The following RPRD1B variants were observed in gnomAD, a reference collection of about 807,000 sequenced individuals.
RPRD1B encodes regulation of nuclear pre-mRNA domain-containing protein 1B.
In RPRD1B, 11 loss-of-function variants were observed where a neutral mutation model predicts 41.5. That is an observed-to-expected ratio of 0.27 (90% CI 0.17 to 0.44). The LOEUF is 0.44. Ranked by LOEUF, RPRD1B falls within the 20% of genes least tolerant of loss-of-function variation. The pLI is 1.00. For missense variants in RPRD1B, 248 were observed against 389.9 expected, an observed-to-expected ratio of 0.64 and a Z score of 3.06; for synonymous variants, 158 against 155.6, an observed-to-expected ratio of 1.02 and a Z score of -0.12.
intron 3 of RPRD1B, among the ~76,000 whole-genome samples, chr20:38,052,637 T>A (rs952904664): frequency 6.6e-6 from 1 of 152,148 alleles, no homozygotes; most frequent in African/African-American, 2.4e-5. Context: ...TGTGGTTTTT[T>A]TTGTTGTTGT....
intron 5 of RPRD1B, among the ~76,000 whole-genome samples, chr20:38,061,446 C>T (rs977729732): frequency 2.2e-4 from 33 of 152,170 alleles, no homozygotes; most frequent in African/African-American, 7.7e-4. Flanking sequence ...TTTCTAAACC[C>T]GCCTCTCTGT....
At chr20:38,057,771 C>G (rs145113299) in intron 4 of RPRD1B, 127 bp downstream of exon 4, 120 of 621,682 alleles carry the variant, frequency 1.9e-4, no homozygotes, top group African/African-American at 1.7e-3. Context: ...TCAGGGGCCC[C>G]GTGCATCATC....
chr20:38,082,528 A>T (rs1198556164), intron 6 of RPRD1B, among the ~76,000 whole-genome samples: 1 of 152,058 alleles, frequency 6.6e-6, no homozygotes, highest in East Asian at 1.9e-4. Flanking sequence ...CTGGGACTAC[A>T]AGGCACCTGC....
At chr20:38,068,633 C>G (rs1045567334) in intron 6 of RPRD1B, among the ~76,000 whole-genome samples, 2 of 152,184 alleles carry the variant, frequency 1.3e-5, no homozygotes, top group African/African-American at 4.8e-5. Flanking sequence ...CTCCTGACGT[C>G]AAGTGATCTG....
rs1255693356 is a variant in RPRD1B at position 38,090,213 on chromosome 20, G to A, written c.*338G>A. Reference sequence around the variant, plus strand: ...ATCATGTGTACTTCTGGAAGCTTTCGAAAGAATCTTGTCCCTCATGACAGC... The same window carrying A: ...ATCATGTGTACTTCTGGAAGCTTTCAAAAGAATCTTGTCCCTCATGACAGC... On this transcript the variant is annotated 3_prime_UTR_variant, in exon 7 of 7. Transcript: ENST00000373433. 5.8e-5 allele frequency: 59 copies of A among 1,009,910 alleles called. No individual in the cohort carries two copies. The highest frequency in any genetic ancestry group is 6.9e-5 in the Non-Finnish European group (58 of 845,782). The allele number at this position is 1,009,910 out of a possible 1,614,324, so 62.6% of individuals were successfully genotyped here. A position where few individuals can be genotyped will look rare whatever the true frequency, so the allele number is the denominator to read the frequency against.
chr20:38,087,065 C>T (rs1050040382), intron 6 of RPRD1B, among the ~76,000 whole-genome samples: 3 of 152,032 alleles, frequency 2.0e-5, no homozygotes, highest in African/African-American at 7.3e-5. Context: ...TCAAGCAATT[C>T]TCCTGCCTCA....
intron 5 of RPRD1B, among the ~76,000 whole-genome samples, chr20:38,064,189 C>G (rs1353731444): frequency 6.6e-6 from 1 of 152,192 alleles, no homozygotes; most frequent in African/African-American, 2.4e-5. Flanking sequence ...CTTTGTGTTC[C>G]ATTCCGCTCA....
intron 3 of RPRD1B, among the ~76,000 whole-genome samples, chr20:38,049,367 CT>C (rs11481142): frequency 7.2e-4 from 67 of 93,420 alleles, no homozygotes; most frequent in Admixed American, 2.0e-3. Context: ...TTCTTTTTTT[CT>C]TTTTTTTTTT....
At chr20:38,084,135 G>A (rs918016186) in intron 6 of RPRD1B, among the ~76,000 whole-genome samples, 1 of 152,152 alleles carries the variant, frequency 6.6e-6, no homozygotes, top group Non-Finnish European at 1.5e-5. Flanking sequence ...AGGATGAGGG[G>A]GCTTGGCGGG....
chr20:38,045,747 G>C lies in RPRD1B; in HGVS notation c.282-2601G>C, dbSNP rs562077551. Reference sequence around the variant, plus strand: ...TGATAAGAATTTATTCTCGAGACTGGTTTCTCTTTCTTTTAAGCGAACAGA... The same window carrying C: ...TGATAAGAATTTATTCTCGAGACTGCTTTCTCTTTCTTTTAAGCGAACAGA... On this transcript the variant is annotated intron_variant, in intron 2 of 6. Coordinates refer to ENST00000373433, the MANE Select transcript of RPRD1B (RefSeq NM_021215.4). Among the ~76,000 whole-genome samples the C allele has an allele frequency of 2.6e-5, 4 of 152,306 alleles. No individual in the cohort carries two copies. The East Asian group carries it at 5.8e-4, about 22-fold the overall frequency.
In RPRD1B at chr20:38,059,432, T is replaced by G; in HGVS notation, c.567T>G (p.Asn189Lys). ...TCAAAGCTTTGCAGGATCTGGAAAA[T>G]GCCGCATCAGGGGATGCTACTGTCC... The part of the protein sequence containing the change: ...ELIKALQDLE[N>K]AASGDATVRQ... Residue 189 changes from asparagine to lysine, a missense_variant, in exon 5 of 7, where the codon AAT becomes AAG. Transcript: ENST00000373433. 2 of 1,614,030 alleles carry G rather than the reference T, an allele frequency of 1.2e-6. No homozygotes were observed. Among genetic ancestry groups the G allele is most frequent in the Non-Finnish European group, 1.7e-6 (2 of 1,179,938 alleles).
intron 3 of RPRD1B, among the ~76,000 whole-genome samples, chr20:38,053,506 G>A (rs755656189): frequency 2.4e-4 from 36 of 152,200 alleles, no homozygotes; most frequent in Non-Finnish European, 4.7e-4. Flanking sequence ...AAGAACGCTT[G>A]CCAGTGGCCA....
intron 5 of RPRD1B, among the ~76,000 whole-genome samples, chr20:38,062,471 A>G (rs2074307906): frequency 6.6e-6 from 1 of 152,186 alleles, no homozygotes; most frequent in Non-Finnish European, 1.5e-5. Flanking sequence ...TAGGCATTTC[A>G]AGCTTACTCT....
intron 3 of RPRD1B, among the ~76,000 whole-genome samples, chr20:38,050,332 A>G (rs1261059486): frequency 1.3e-5 from 2 of 152,238 alleles, no homozygotes; most frequent in South Asian, 2.1e-4. Context: ...TGTTGCTAGA[A>G]GATAATTTTA....
intron 1 of RPRD1B, among the ~76,000 whole-genome samples, chr20:38,039,081 C>T (rs1286116952): frequency 1.3e-5 from 2 of 152,098 alleles, no homozygotes; most frequent in African/African-American, 4.8e-5. Context: ...GCATAGAAGC[C>T]AGGGAATTCA....
At chr20:38,043,401 G>T (rs1245765409) in intron 2 of RPRD1B, among the ~76,000 whole-genome samples, 1 of 152,184 alleles carries the variant, frequency 6.6e-6, no homozygotes, top group Non-Finnish European at 1.5e-5. Context: ...CACCCTGTAA[G>T]TCTTGGAAGT....
At chr20:38,045,093 A>T (rs1853991986) in intron 2 of RPRD1B, among the ~76,000 whole-genome samples, 1 of 152,242 alleles carries the variant, frequency 6.6e-6, no homozygotes, top group Non-Finnish European at 1.5e-5. Context: ...CTTAAAGGTC[A>T]GTTTTGCTAT....
In RPRD1B at chr20:38,078,965, A is replaced by G. The variant is rs555176228; in HGVS notation, c.832-10761A>G. 2.6e-5 allele frequency among the ~76,000 whole-genome samples: 4 copies of G among 152,356 alleles called. No homozygotes were observed. The South Asian group carries it at 8.3e-4, about 32-fold the overall frequency. The stretch of plus-strand genomic sequence containing the variant: ...GGAGAAAGGATCTTGTATCCCATTA[A>G]TAATTCTTTTTCTTCAACTCTGCAT... On this transcript the variant is annotated intron_variant, in intron 6 of 6. Coordinates refer to ENST00000373433, the MANE Select transcript of RPRD1B (RefSeq NM_021215.4).
intron 6 of RPRD1B, among the ~76,000 whole-genome samples, chr20:38,084,111 G>C (rs2074539055): frequency 6.6e-6 from 1 of 151,358 alleles, no homozygotes; most frequent in Non-Finnish European, 1.5e-5. Flanking sequence ...GTAGCAAGGG[G>C]TAGGCCTCCT....
Sources: gnomAD v4.1 joint callset for allele counts (sites outside exome capture counted in the v4.1 genomes callset) on GRCh38, gnomAD v4.1.1 for gene constraint, MANE v1.5 for transcripts, NCBI Gene and HGNC (gene_info 2026-07-23, HGNC 2026-07-21) for gene names.